TDRD3: variants seen among roughly 807,000 people sequenced by gnomAD.
TDRD3 encodes the protein tudor domain-containing protein 3.
Under a neutral mutation model 86.7 loss-of-function variants are expected in TDRD3, and 45 were observed. The ratio of observed to expected loss-of-function variants is 0.52; its 90% CI spans 0.41 to 0.67. TDRD3 has a LOEUF of 0.67. TDRD3 is among the 30% of genes least tolerant of loss of function. The pLI, the probability that TDRD3 is intolerant of heterozygous loss-of-function variation, is 0.00. For missense variants in TDRD3, 814 were observed against 889.0 expected, an observed-to-expected ratio of 0.92 and a Z score of 1.07; for synonymous variants, 298 against 301.7, an observed-to-expected ratio of 0.99 and a Z score of 0.13.
intron 1 of TDRD3, among the ~76,000 whole-genome samples, chr13:60,430,733 C>G (rs1183757095): frequency 6.6e-6 from 1 of 151,952 alleles, no homozygotes; most frequent in African/African-American, 2.4e-5. Context: ...TCAGCTGTTA[C>G]AATTTTTTTA....
At chr13:60,418,811 A>G (rs1452133621) in intron 1 of TDRD3, among the ~76,000 whole-genome samples, 1 of 152,202 alleles carries the variant, frequency 6.6e-6, no homozygotes, top group Non-Finnish European at 1.5e-5. Context: ...ATTGGATATT[A>G]TAAAAATGGA....
At chr13:60,564,493 A>G (rs1227586660) in intron 12 of TDRD3, among the ~76,000 whole-genome samples, 1 of 152,128 alleles carries the variant, frequency 6.6e-6, no homozygotes, top group Non-Finnish European at 1.5e-5. Context: ...CGTTTATGAA[A>G]ATTATTGCAG....
In TDRD3 at chr13:60,443,852, C is replaced by T. The variant is rs1955339250; in HGVS notation, c.127-831C>T. On this transcript the variant is annotated intron_variant, in intron 2 of 13. Coordinates refer to ENST00000377881, the MANE Select transcript of TDRD3 (RefSeq NM_001146070.2). The stretch of plus-strand genomic sequence containing the variant: ...AGTTATTATGCTAATCTCACTATCT[C>T]AACCATCAGGATAATTTATTAGTTT... 2.0e-5 allele frequency among the ~76,000 whole-genome samples: 3 copies of T among 151,954 alleles called. No individual in the cohort carries two copies. The South Asian group carries it at 6.2e-4, about 31-fold the overall frequency.
intron 1 of TDRD3, among the ~76,000 whole-genome samples, chr13:60,414,255 T>C (rs1019293937): frequency 1.3e-5 from 2 of 152,126 alleles, no homozygotes; most frequent in African/African-American, 4.8e-5. Context: ...TTATATAGCT[T>C]TATCCTAAGG....
intron 13 of TDRD3, among the ~76,000 whole-genome samples, chr13:60,571,451 C>T (rs1958583708): frequency 6.6e-6 from 1 of 152,192 alleles, no homozygotes; most frequent in Non-Finnish European, 1.5e-5. Context: ...AGCATGAATT[C>T]TAATATATGC....
intron 12 of TDRD3, among the ~76,000 whole-genome samples, chr13:60,541,716 CTTTTT>C (rs71199007): frequency 2.2e-4 from 9 of 41,006 alleles, no homozygotes; most frequent in Admixed American, 3.6e-4. Context: ...TCAGCATAGT[CTTTTT>C]TTTTTTTTTT....
chr13:60,522,269 A>T (rs1957304762), intron 10 of TDRD3, among the ~76,000 whole-genome samples: 1 of 152,182 alleles, frequency 6.6e-6, no homozygotes. Context: ...CCCTGTTTTC[A>T]TTAAGAATCA....
At chr13:60,436,933 A>C (rs1226232145) in intron 1 of TDRD3, among the ~76,000 whole-genome samples, 1 of 152,092 alleles carries the variant, frequency 6.6e-6, no homozygotes, top group Non-Finnish European at 1.5e-5. Context: ...TGCTTTTATC[A>C]ACTGAGTTTT....
intron 12 of TDRD3, 126 bp from the exon 13 acceptor site, chr13:60,567,398 AG>A: frequency 8.3e-7 from 1 of 1,199,224 alleles, no homozygotes; most frequent in Non-Finnish European, 1.2e-6. Context: ...CTGTTGTAAA[AG>A]TTGACATGTG....
At chr13:60,549,828 T>A (rs538035915) in intron 12 of TDRD3, among the ~76,000 whole-genome samples, 14 of 152,146 alleles carry the variant, frequency 9.2e-5, no homozygotes, top group South Asian at 6.2e-4. Flanking sequence ...TGAGAAAAAA[T>A]TTTTTTAGTG....
At chr13:60,483,519 A>T (rs1375601325) in intron 5 of TDRD3, among the ~76,000 whole-genome samples, 1 of 152,088 alleles carries the variant, frequency 6.6e-6, no homozygotes, top group Non-Finnish European at 1.5e-5. Flanking sequence ...TCCTTAGGGG[A>T]ATGGCCTGAT....
chr13:60,402,144 G>A (rs530372527), intron 1 of TDRD3, among the ~76,000 whole-genome samples: 23 of 152,220 alleles, frequency 1.5e-4, no homozygotes, highest in African/African-American at 5.5e-4. Context: ...TTACATAGAG[G>A]CTTCTTCTCA....
At chr13:60,474,077 T>A (rs1956130893) in intron 5 of TDRD3, among the ~76,000 whole-genome samples, 1 of 152,176 alleles carries the variant, frequency 6.6e-6, no homozygotes, top group Non-Finnish European at 1.5e-5. Flanking sequence ...CGCTTTCATG[T>A]TCCACCCTGT....
Position 60,541,804 on chromosome 13 carries a change from C to G in TDRD3, c.2118+6571C>G, listed in dbSNP as rs562150811. Among the ~76,000 whole-genome samples the G allele has an allele frequency of 1.4e-4, 20 of 142,022 alleles. No homozygotes were observed. In the East Asian group the frequency reaches 3.6e-3, roughly 26 times the overall value. 93.2% of individuals were successfully genotyped at this position (142,022 alleles called of 152,430 possible). ...GTGCAATGGCACAATCTCGGCTCAC[C>G]ACAACCTCCGCCTCCTGGGTTCAAG... On this transcript the variant is annotated intron_variant, in intron 12 of 13. Transcript: ENST00000377881.
At chr13:60,410,177 A>T (rs901140324) in intron 1 of TDRD3, among the ~76,000 whole-genome samples, 9 of 152,170 alleles carry the variant, frequency 5.9e-5, no homozygotes, top group African/African-American at 2.2e-4. Context: ...AAGTCCTGTT[A>T]AACCTCTTTT....
chr13:60,462,086 A>G lies in TDRD3; in HGVS notation c.353+1546A>G, dbSNP rs1402640203. 4.6e-5 allele frequency among the ~76,000 whole-genome samples: 7 copies of G among 152,162 alleles called. No homozygotes were observed. In the South Asian group the frequency reaches 1.2e-3, roughly 27 times the overall value. ...ATGTTTGTCGAAAATGTTGATTTCT[A>G]TATACAAAGGGAGATTTGTTGACAT... On this transcript the variant is annotated intron_variant, in intron 4 of 13. Coordinates refer to ENST00000377881, the MANE Select transcript of TDRD3 (RefSeq NM_001146070.2).
intron 1 of TDRD3, among the ~76,000 whole-genome samples, chr13:60,433,794 A>G (rs758178598): frequency 6.6e-6 from 1 of 152,200 alleles, no homozygotes; most frequent in Non-Finnish European, 1.5e-5. Context: ...TAGCTCAGTC[A>G]GCTGATGTGT....
chr13:60,447,814 C>G (rs2137995582), intron 3 of TDRD3, among the ~76,000 whole-genome samples: 1 of 151,952 alleles, frequency 6.6e-6, no homozygotes, highest in East Asian at 1.9e-4. Flanking sequence ...AGCATTTGGC[C>G]CAGTATTTAA....
At chr13:60,481,388 C>T (rs1157401764) in intron 5 of TDRD3, among the ~76,000 whole-genome samples, 1 of 145,416 alleles carries the variant, frequency 6.9e-6, no homozygotes, top group Non-Finnish European at 1.5e-5. Context: ...ATTACACATA[C>T]ATTAGACTGC....
Sources: allele counts gnomAD v4.1 joint callset (sites outside exome capture counted in the v4.1 genomes callset), GRCh38; gene constraint gnomAD v4.1.1; transcripts MANE v1.5; gene names NCBI Gene and HGNC (gene_info 2026-07-23, HGNC 2026-07-21).